The following MED24 variants were observed in gnomAD, a reference collection of about 807,000 sequenced individuals.
The protein encoded by MED24 is mediator of RNA polymerase II transcription subunit 24.
Under a neutral mutation model 118.8 loss-of-function variants are expected in MED24, and 74 were observed. That is an observed-to-expected ratio of 0.62 (90% CI 0.52 to 0.76). The LOEUF (loss-of-function observed/expected upper bound fraction) is 0.76, where lower values mean the gene tolerates loss of function less well. Ranked by LOEUF, MED24 falls within the 30% of genes least tolerant of loss-of-function variation. The pLI is 0.00. For missense variants in MED24, 1,041 were observed against 1,278.9 expected (o/e 0.81, Z 2.84); for synonymous variants, 521 against 523.9 (o/e 0.99, Z 0.08).
intron 12 of MED24, 110 bp downstream of exon 12, chr17:40,031,049 C>G: frequency 9.6e-7 from 1 of 1,043,186 alleles, no homozygotes; most frequent in Non-Finnish European, 1.5e-6. Context: ...CGGTCCCAGT[C>G]ACTTGCAGCC....
intron 3 of MED24, among the ~76,000 whole-genome samples, chr17:40,049,338 C>T (rs562507562): frequency 1.3e-4 from 20 of 152,218 alleles, no homozygotes; most frequent in Non-Finnish European, 2.4e-4. Context: ...GCTTTGCACA[C>T]ACACTCTCCT....
At chr17:40,036,241 C>T (rs1983917305) in intron 3 of MED24, 87 bp from the exon 4 acceptor site, 5 of 1,376,530 alleles carry the variant, frequency 3.6e-6, no homozygotes, top group Admixed American at 3.4e-5. Context: ...GTTGCTGCAG[C>T]TCTCCTGAAC....
intron 3 of MED24, among the ~76,000 whole-genome samples, chr17:40,039,802 G>A (rs1418451843): frequency 3.6e-5 from 2 of 54,854 alleles, no homozygotes; most frequent in East Asian, 1.2e-3. Context: ...TTTTTTTTTT[G>A]AGATGGAGTC....
intron 3 of MED24, among the ~76,000 whole-genome samples, chr17:40,037,779 C>T (rs1266664212): frequency 4.6e-5 from 7 of 151,902 alleles, no homozygotes; most frequent in East Asian, 1.9e-4. Context: ...GGCATGGTGG[C>T]GGGTGCCTAT....
At position 40,033,564 on chromosome 17, in the gene MED24, A is replaced by C; in HGVS notation, c.560-108T>G. ...CTCCCTCCGGCACACGAAACCACAC[A>C]GGAAGGCTTCCCCTGAGGACAACAG... On this transcript the variant is annotated intron_variant, in intron 6 of 25. Transcript: ENST00000394128. The surrounding 1 kb of genome is among the most constrained non-coding windows in gnomAD (Gnocchi z 5.2). 1 of 868,552 alleles carries C rather than the reference A, an allele frequency of 1.2e-6. No individual in the cohort carries two copies. Among genetic ancestry groups the C allele is most frequent in the East Asian group, 2.6e-5 (1 of 37,894 alleles). The allele number at this position is 868,552 out of a possible 1,614,324, so 53.8% of individuals were successfully genotyped here.
In MED24 at chr17:40,023,114, C is replaced by A; in HGVS notation, c.2250+17G>T. ...GACAGGACCCATGTCGGCCCACAGC[C>A]ACTCCAGCCCAAGTACCTTAATCAG... On this transcript the variant is annotated intron_variant, in intron 20 of 25. Coordinates refer to ENST00000394128, the MANE Select transcript of MED24 (RefSeq NM_014815.4). 6.2e-7 allele frequency: 1 copy of A among 1,605,004 alleles called. No homozygotes were observed. The highest frequency in any genetic ancestry group is 8.5e-7 in the Non-Finnish European group (1 of 1,173,810).
intron 13 of MED24, 39 bp downstream of exon 13, chr17:40,029,709 A>G (rs377524956): frequency 1.3e-6 from 2 of 1,573,496 alleles, no homozygotes; most frequent in African/African-American, 1.4e-5. Flanking sequence ...TGGAAAGAAG[A>G]AAGAGAAGAC....
At position 40,033,587 on chromosome 17, in the gene MED24, C is replaced by T; in HGVS notation, c.560-131G>A. 2.6e-6 allele frequency: 2 copies of T among 772,554 alleles called. No homozygotes were observed. The highest frequency in any genetic ancestry group is 4.5e-6 in the Non-Finnish European group (2 of 449,108). 47.9% of individuals were successfully genotyped at this position (772,554 alleles called of 1,614,324 possible). The stretch of plus-strand genomic sequence containing the variant: ...ACAGGAAGGCTTCCCCTGAGGACAA[C>T]AGGGAGGGAGGGGCCTGAGGGCAGC... On this transcript the variant is annotated intron_variant, in intron 6 of 25. Transcript: ENST00000394128. The surrounding 1 kb of genome is among the most constrained non-coding windows in gnomAD (Gnocchi z 5.2).
chr17:40,032,583 AG>A (rs1983513905), intron 9 of MED24, 65 bp downstream of exon 9: 2 of 1,296,926 alleles, frequency 1.5e-6, no homozygotes, highest in Non-Finnish European at 2.2e-6. Flanking sequence ...GCAAAGGTCC[AG>A]GGTGCCACTG....
At chr17:40,039,473 G>A (rs942182265) in intron 3 of MED24, among the ~76,000 whole-genome samples, 1 of 152,124 alleles carries the variant, frequency 6.6e-6, no homozygotes, top group Non-Finnish European at 1.5e-5. Flanking sequence ...CCCTCTACTC[G>A]CATAACATTG....
Position 40,019,201 on chromosome 17 carries a change from CACAT to C in MED24, c.*324_*327del, listed in dbSNP as rs765048473. 226 of 308,854 alleles carry C rather than the reference CACAT, an allele frequency of 7.3e-4. 1 individual carries two copies. The highest frequency in any genetic ancestry group is 4.5e-3 in the African/African-American group (202 of 45,282). 19.1% of individuals were successfully genotyped at this position (308,854 alleles called of 1,614,324 possible). ...ACACACACACACACACACACACACA[CACAT>C]ACACACTTTGCATCTAGAAAGTTCC... On this transcript the variant is annotated 3_prime_UTR_variant, in exon 26 of 26. Transcript: ENST00000394128.
chr17:40,051,599 C>T (rs190542771), intron 3 of MED24, among the ~76,000 whole-genome samples: 1 of 150,630 alleles, frequency 6.6e-6, no homozygotes, highest in Non-Finnish European at 1.5e-5. Context: ...AGTGACAGAG[C>T]GAAACTCTGC....
rs140137703 is a variant in MED24, at chr17:40,020,583, T to C, written c.2624-230A>G. 4.1e-3 allele frequency: 3,601 copies of C among 868,624 alleles called. 17 individuals carry two copies. Among genetic ancestry groups the C allele is most frequent in the Non-Finnish European group, 4.5e-3 (2,567 of 568,546 alleles). 53.8% of individuals were successfully genotyped at this position (868,624 alleles called of 1,614,324 possible). ...CAGGAGGATCGCTTGAGTCCAGGAG[T>C]TTGAGACCAGCCTTGGCAACTAGCG... On this transcript the variant is annotated intron_variant, in intron 23 of 25. Coordinates refer to ENST00000394128, the MANE Select transcript of MED24 (RefSeq NM_014815.4).
intron 3 of MED24, among the ~76,000 whole-genome samples, chr17:40,042,092 C>T (rs1450677304): frequency 6.6e-6 from 1 of 152,102 alleles, no homozygotes. Flanking sequence ...CAATGATATC[C>T]CCATCTTCTG....
At chr17:40,028,682 A>G in intron 14 of MED24, 144 bp downstream of exon 14, 1 of 1,202,966 alleles carries the variant, frequency 8.3e-7, no homozygotes. Context: ...CCCTTCCTCC[A>G]AGATCTCCAG....
chr17:40,032,627 G>C (rs1410358487), intron 9 of MED24, 22 bp downstream of exon 9: 1 of 1,581,244 alleles, frequency 6.3e-7, no homozygotes, highest in African/African-American at 1.3e-5. Context: ...GACTGGCTCT[G>C]CCCCTCCCAC....
chr17:40,026,082 G>C, intron 19 of MED24, 74 bp downstream of exon 19: 1 of 1,470,142 alleles, frequency 6.8e-7, no homozygotes, highest in Middle Eastern at 1.8e-4. Context: ...AAAAGAGAGG[G>C]GTGCTTGTTA....
At position 40,033,669 on chromosome 17, in the gene MED24, TC is replaced by T; in HGVS notation, c.560-214del. ...TAGAGCTGGAAACCCCAGAGACCAT[TC>T]CCAAAAGCCTGATTTCCAGGGGACA... On this transcript the variant is annotated intron_variant, in intron 6 of 25. Transcript: ENST00000394128. The surrounding 1 kb of genome is among the most constrained non-coding windows in gnomAD (Gnocchi z 5.2). The T allele has an allele frequency of 1.5e-6, 1 of 679,864 alleles. No individual in the cohort carries two copies. The highest frequency in any genetic ancestry group is 2.7e-6 in the Non-Finnish European group (1 of 371,434). The allele number at this position is 679,864 out of a possible 1,614,324, so 42.1% of individuals were successfully genotyped here.
rs780805299 is a variant in MED24 at position 40,023,180 on chromosome 17, G to C, written c.2201C>G (p.Thr734Ser). The C allele has an allele frequency of 4.0e-5, 64 of 1,614,054 alleles. No individual in the cohort carries two copies. The highest frequency in any genetic ancestry group is 5.3e-5 in the Non-Finnish European group (63 of 1,180,020). Reference protein sequence around the residue: ...VDSRSIHIFDTLLHMGGVYWF... With the variant: ...VDSRSIHIFDSLLHMGGVYWF... ...GTAGACGCCGCCCATGTGCAGCAGG[G>C]TGTCAAAGATGTGGATGGAGCGGCT... The change falls in exon 20 of 26, where the codon ACC becomes AGC. Residue 734 changes from threonine (T) to serine (S), a missense_variant. Transcript: ENST00000394128.
Sources: allele counts gnomAD v4.1 joint callset (sites outside exome capture counted in the v4.1 genomes callset), GRCh38; gene constraint gnomAD v4.1.1; non-coding constraint Gnocchi (gnomAD v3.1); transcripts MANE v1.5; gene names NCBI Gene and HGNC (gene_info 2026-07-23, HGNC 2026-07-21).